Variants in RC3H2 observed in about 807,000 individuals in gnomAD.
RC3H2 encodes ring finger and CCCH-type domains 2.
Under a neutral mutation model 133.3 loss-of-function variants are expected in RC3H2, and 31 were observed. The ratio of observed to expected loss-of-function variants is 0.23; its 90% confidence interval spans 0.17 to 0.31. RC3H2 has a LOEUF of 0.31. Among genes scored for constraint, RC3H2 ranks in the 10% least tolerant of loss-of-function variants. The pLI is 1.00. For missense variants in RC3H2, 1,175 were observed against 1,437.2 expected, an observed-to-expected ratio of 0.82 and a Z score of 2.95; for synonymous variants, 517 against 502.2, an observed-to-expected ratio of 1.03 and a Z score of -0.40.
rs112657504 is a variant in RC3H2, at chr9:122,851,312, G to T, written c.3231+11C>A. 2 of 1,612,668 alleles carry T rather than the reference G, an allele frequency of 1.2e-6. No individual in the cohort carries two copies. The highest frequency in any genetic ancestry group is 2.7e-5 in the African/African-American group (2 of 75,012). On this transcript the variant is annotated intron_variant, in intron 19 of 20. Coordinates refer to ENST00000357244, the MANE Select transcript of RC3H2 (RefSeq NM_001100588.3). Reference sequence around the variant, plus strand: ...AACAAAGCCTCTCAATTATCTAATTGTGGCACTTACTTCAATTGGTTCACT... The same window carrying T: ...AACAAAGCCTCTCAATTATCTAATTTTGGCACTTACTTCAATTGGTTCACT...
intron 9 of RC3H2, among the ~76,000 whole-genome samples, chr9:122,868,839 ATGTGTGTG>A (rs36205979): frequency 0.046 from 5,448 of 118,492 alleles, 153 homozygotes; most frequent in East Asian, 0.081. Context: ...TCCCTCCTAT[ATGTGTGTG>A]TGTGTGTGTG....
chr9:122,852,234 TG>T (rs1200245036), intron 18 of RC3H2, among the ~76,000 whole-genome samples: 2 of 143,672 alleles, frequency 1.4e-5, no homozygotes, highest in Non-Finnish European at 3.0e-5. Flanking sequence ...CCGCCCCGTC[TG>T]AGAAGTGAGG....
intron 9 of RC3H2, 39 bp from the exon 10 acceptor site, chr9:122,865,696 C>G (rs776275438): frequency 3.2e-6 from 5 of 1,563,802 alleles, no homozygotes; most frequent in Non-Finnish European, 4.3e-6. Flanking sequence ...GAATATTTCA[C>G]TAAATCTTAC....
intron 3 of RC3H2, among the ~76,000 whole-genome samples, chr9:122,891,426 C>G (rs1832165246): frequency 6.6e-6 from 1 of 152,190 alleles, no homozygotes; most frequent in Non-Finnish European, 1.5e-5. Flanking sequence ...TTGTAGATCA[C>G]TACAATTGAT....
chr9:122,854,247 C>T lies in RC3H2; in HGVS notation c.2920G>A (p.Asp974Asn). The T allele has an allele frequency of 6.2e-7, 1 of 1,613,124 alleles. No individual in the cohort carries two copies. The highest frequency in any genetic ancestry group is 8.5e-7 in the Non-Finnish European group (1 of 1,179,522). ...GAATGCTTTCTATGACCAGATAAAT[C>T]AGTAACAATGAATCTGTCCCTTTAA... ...YVERDRFIVT[D>N]LSGHRKHSST... The change falls in exon 17 of 21, where the codon GAT (aspartate) becomes AAT (asparagine). Residue 974 changes from aspartate (D) to asparagine (N), a missense_variant. Transcript: ENST00000357244.
rs150168509 is a variant in RC3H2 at position 122,895,567 on chromosome 9, G to A, written c.231+1712C>T. ...ATACTCCATTAACAAAAATATACTG[G>A]CAATTAAATTAAGATACACTATCAA... On this transcript the variant is annotated intron_variant, in intron 2 of 20. Coordinates refer to ENST00000357244, the MANE Select transcript of RC3H2 (RefSeq NM_001100588.3). Among the ~76,000 whole-genome samples the A allele has an allele frequency of 3.3e-3, 507 of 152,184 alleles. 3 individuals carry two copies. Among genetic ancestry groups the A allele is most frequent in the African/African-American group, 0.012 (478 of 41,516 alleles).
rs942916758 is a variant in RC3H2 at position 122,846,172 on chromosome 9, T to C, written c.*3455A>G. 6.6e-6 allele frequency: 1 copy of C among 152,180 alleles called. No homozygotes were observed. Among genetic ancestry groups the C allele is most frequent in the Non-Finnish European group, 1.5e-5 (1 of 68,026 alleles). The allele number at this position is 152,180 out of a possible 1,614,324, so 9.4% of individuals were successfully genotyped here. A position where few individuals can be genotyped will look rare whatever the true frequency, so the allele number is the denominator to read the frequency against. ...AATTTTCTCAAGGCAGCATATAAAA[T>C]TGGGATGTGCTTTATATACTTAACC... On this transcript the variant is annotated 3_prime_UTR_variant, in exon 21 of 21. Transcript: ENST00000357244.
intron 10 of RC3H2, among the ~76,000 whole-genome samples, chr9:122,860,439 A>ACT (rs371731036): frequency 9.8e-5 from 13 of 132,320 alleles, no homozygotes; most frequent in Non-Finnish European, 4.6e-5. Flanking sequence ...ACAGGGTGTC[A>ACT]CTCTGTCACC....
Position 122,865,556 on chromosome 9 carries a change from A to G in RC3H2, c.1427T>C (p.Val476Ala). 1 of 1,614,190 alleles carries G rather than the reference A, an allele frequency of 6.2e-7. No individual in the cohort carries two copies. The highest frequency in any genetic ancestry group is 1.1e-5 in the South Asian group (1 of 91,082). The change falls in exon 10 of 21, where the codon GTC becomes GCC. Residue 476 changes from valine to alanine, a missense_variant. This residue lies in a region of RC3H2 where 490 missense variants were observed against 492.8 expected (regional missense o/e 0.99). Coordinates refer to ENST00000357244, the MANE Select transcript of RC3H2 (RefSeq NM_001100588.3). Reference sequence around the variant, plus strand: ...TTCAGTACTTCCTATGACAGAAATGACATTTCCGGCTGTGGTTGTGACAGT... The same window carrying G: ...TTCAGTACTTCCTATGACAGAAATGGCATTTCCGGCTGTGGTTGTGACAGT... ...NNTVTTTAGN[V>A]ISVIGSTETT...
rs575011535 is a variant in RC3H2 at position 122,905,122 on chromosome 9, G to A, written c.-80C>T. ...GCCCCCGCCCTACCTGAGGGGGCCC[G>A]GGCGGGGTCGCTAAGGGCCGCTCCC... is the stretch of plus-strand genomic sequence containing the variant. On this transcript the variant is annotated 5_prime_UTR_variant, in exon 1 of 21. Transcript: ENST00000357244. The A allele has an allele frequency of 5.1e-6, 5 of 985,420 alleles. No homozygotes were observed. The highest frequency in any genetic ancestry group is 1.1e-4 in the East Asian group (1 of 8,788). The allele number at this position is 985,420 out of a possible 1,614,324, so 61.0% of individuals were successfully genotyped here.
intron 9 of RC3H2, chr9:122,875,100 A>T: frequency 2.9e-6 from 4 of 1,378,788 alleles, no homozygotes; most frequent in Non-Finnish European, 3.8e-6. Flanking sequence ...CTCCCAAATT[A>T]TCTTGATGTG....
intron 3 of RC3H2, among the ~76,000 whole-genome samples, chr9:122,891,179 C>T (rs947710945): frequency 6.6e-6 from 1 of 150,752 alleles, no homozygotes; most frequent in African/African-American, 2.4e-5. Context: ...GTCACCACAC[C>T]TGGCTAATTT....
At position 122,855,402 on chromosome 9, in the gene RC3H2, G is replaced by A; in HGVS notation, c.2602-5C>T. 1 of 1,609,626 alleles carries A rather than the reference G, an allele frequency of 6.2e-7. No homozygotes were observed. Among genetic ancestry groups the A allele is most frequent in the Non-Finnish European group, 8.5e-7 (1 of 1,177,242 alleles). On this transcript the variant is annotated splice_region_variant and splice_polypyrimidine_tract_variant and intron_variant, in intron 14 of 20. Transcript: ENST00000357244. ...AACATCACCACTGTCCAGGTCCTAT[G>A]TAAACCAAAGAAAATCAATAAAAGG...
chr9:122,854,434 G>T, intron 16 of RC3H2, 97 bp downstream of exon 16: 2 of 1,196,442 alleles, frequency 1.7e-6, no homozygotes, highest in African/African-American at 1.5e-5. Context: ...CAGACAACAA[G>T]CAAAGCACAT....
chr9:122,863,261 T>C (rs962472391), intron 10 of RC3H2, among the ~76,000 whole-genome samples: 44 of 152,356 alleles, frequency 2.9e-4, no homozygotes, highest in African/African-American at 7.9e-4. Context: ...TCCTTTTTTA[T>C]GGCTGAATTT....
intron 1 of RC3H2, among the ~76,000 whole-genome samples, chr9:122,900,892 TA>T (rs1258260948): frequency 1.3e-5 from 2 of 152,164 alleles, no homozygotes; most frequent in African/African-American, 4.8e-5. Context: ...AATGCTAAAT[TA>T]AAGGTGGGAC....
At chr9:122,854,894 A>G (rs534179576) in intron 15 of RC3H2, among the ~76,000 whole-genome samples, 1 of 152,270 alleles carries the variant, frequency 6.6e-6, no homozygotes, top group East Asian at 1.9e-4. Context: ...ACATGAGGCC[A>G]GGAGTTCCAG....
chr9:122,857,214 G>T (rs1830282818), intron 13 of RC3H2, among the ~76,000 whole-genome samples: 1 of 152,086 alleles, frequency 6.6e-6, no homozygotes, highest in Non-Finnish European at 1.5e-5. Context: ...ATAATGAAAA[G>T]ATTTTAAAAA....
rs779393329 is a variant in RC3H2, at chr9:122,853,897, C to T, written c.3117+55G>A. On this transcript the variant is annotated intron_variant, in intron 18 of 20. Transcript: ENST00000357244. ...ACTCAGTAATGGTATAACCAAGATG[C>T]AGCAGCAGAAAACAAATACATTAAG... 8 of 1,614,150 alleles carry T rather than the reference C, an allele frequency of 5.0e-6. No homozygotes were observed. In the South Asian group the frequency reaches 8.8e-5, roughly 18 times the overall value.
Sources: gnomAD v4.1 joint callset for allele counts (sites outside exome capture counted in the v4.1 genomes callset) on GRCh38, gnomAD v4.1.1 for gene constraint, gnomAD v4.1.1 regional missense constraint, MANE v1.5 for transcripts, NCBI Gene and HGNC (gene_info 2026-07-23, HGNC 2026-07-21) for gene names.